Variants in PDE10A observed in about 807,000 individuals in gnomAD.
The protein encoded by PDE10A is cAMP and cAMP-inhibited cGMP 3',5'-cyclic phosphodiesterase 10A.
PDE10A carries 39 observed loss-of-function variants against 97.7 expected under a neutral mutation model. The observed-to-expected ratio is 0.40, with a 90% confidence interval of 0.31 to 0.52. The LOEUF (loss-of-function observed/expected upper bound fraction) is 0.52, where lower values mean the gene tolerates loss of function less well. PDE10A is among the 20% of genes least tolerant of loss of function. The pLI is 0.56. For missense variants in PDE10A, 731 were observed against 1,047.8 expected (o/e 0.70, Z 4.17); for synonymous variants, 371 against 376.8 (o/e 0.98, Z 0.18).
chr6:165,743,288 C>T (rs1318320322), intron 1 of PDE10A, among the ~76,000 whole-genome samples: 1 of 152,156 alleles, frequency 6.6e-6, no homozygotes, highest in African/African-American at 2.4e-5. Context: ...CTTAGTGTTC[C>T]CATATGCCCA....
chr6:165,506,032 T>C (rs1415528655), intron 2 of PDE10A, among the ~76,000 whole-genome samples: 1 of 152,186 alleles, frequency 6.6e-6, no homozygotes, highest in Admixed American at 6.6e-5. Flanking sequence ...CCTCCACTCA[T>C]GGTAACCACT....
At chr6:165,333,663 T>C (rs1024944308) in intron 21 of PDE10A, among the ~76,000 whole-genome samples, 9 of 152,238 alleles carry the variant, frequency 5.9e-5, no homozygotes, top group Non-Finnish European at 1.3e-4. Context: ...AATTTTCTTG[T>C]TACAGTAAAA....
chr6:165,789,774 T>A (rs1186455016), intron 1 of PDE10A, among the ~76,000 whole-genome samples: 1 of 151,624 alleles, frequency 6.6e-6, no homozygotes. Context: ...GCCAAAGACA[T>A]GCTTTATCTT....
intron 1 of PDE10A, among the ~76,000 whole-genome samples, chr6:165,779,876 C>T (rs1027726539): frequency 3.3e-5 from 5 of 152,166 alleles, no homozygotes; most frequent in East Asian, 3.9e-4. Flanking sequence ...GGGAAGCAAC[C>T]TTTGCTGCTC....
intron 1 of PDE10A, among the ~76,000 whole-genome samples, chr6:165,807,357 A>G (rs1779167281): frequency 1.3e-5 from 2 of 152,178 alleles, no homozygotes; most frequent in Admixed American, 6.5e-5. Flanking sequence ...TTTTGTTTCC[A>G]TGAAGCTAAG....
intron 1 of PDE10A, among the ~76,000 whole-genome samples, chr6:165,601,085 TG>T (rs1223110028): frequency 2.6e-5 from 4 of 152,206 alleles, no homozygotes; most frequent in Non-Finnish European, 5.9e-5. Context: ...TCATGGGAGT[TG>T]GTCTTTCCCG....
rs143097018 is a variant in PDE10A at position 165,698,804 on chromosome 6, G to A, written c.-614-155236C>T. On this transcript the variant is annotated intron_variant, in intron 1 of 19. Coordinates refer to the PDE10A transcript ENST00000366882. ...TGCAGTGAGCTGAGATCACTCCACC[G>A]CACTCCAGCAGGGGTGACAGAGTGA... Among the ~76,000 whole-genome samples the A allele has an allele frequency of 4.7e-3, 711 of 152,190 alleles. 2 individuals are homozygous for A. The highest frequency in any genetic ancestry group is 0.016 in the African/African-American group (659 of 41,516).
At chr6:165,777,511 T>A (rs1445408200) in intron 1 of PDE10A, among the ~76,000 whole-genome samples, 4 of 152,044 alleles carry the variant, frequency 2.6e-5, no homozygotes, top group African/African-American at 9.7e-5. Context: ...TAGTGGCCCA[T>A]CTCTAGGAAG....
chr6:165,475,523 C>T (rs1343386572), intron 3 of PDE10A, among the ~76,000 whole-genome samples: 1 of 152,072 alleles, frequency 6.6e-6, no homozygotes, highest in African/African-American at 2.4e-5. Flanking sequence ...CCAGTGAAGC[C>T]AACTTGAAAA....
chr6:165,797,531 G>A (rs1389921), intron 1 of PDE10A, among the ~76,000 whole-genome samples: 23,558 of 151,980 alleles, frequency 0.16, 2,501 homozygotes, highest in East Asian at 0.42. Context: ...TGAAATAATC[G>A]TCATTTCAAA....
At chr6:165,500,812 T>C (rs1212860584) in intron 2 of PDE10A, among the ~76,000 whole-genome samples, 2 of 152,030 alleles carry the variant, frequency 1.3e-5, no homozygotes, top group Middle Eastern at 3.2e-3. Flanking sequence ...AAAACCCGAT[T>C]GTATGTTCTA....
chr6:165,627,026 T>C (rs141708187), intron 1 of PDE10A, among the ~76,000 whole-genome samples: 8 of 152,344 alleles, frequency 5.3e-5, no homozygotes, highest in South Asian at 2.1e-4. Flanking sequence ...ACTGACCTCT[T>C]TCACATCTCT....
chr6:165,732,270 G>A (rs568944263), intron 1 of PDE10A, among the ~76,000 whole-genome samples: 73 of 152,308 alleles, frequency 4.8e-4, no homozygotes, highest in East Asian at 7.7e-4. Flanking sequence ...TAACCTGGCC[G>A]TCTTTCACCT....
At chr6:165,503,322 A>T (rs1781006620) in intron 2 of PDE10A, among the ~76,000 whole-genome samples, 1 of 152,198 alleles carries the variant, frequency 6.6e-6, no homozygotes, top group African/African-American at 2.4e-5. Context: ...AACCGCTTCA[A>T]ATCATTCTGC....
chr6:165,667,903 G>T (rs1275748402), upstream of PDE10A, among the ~76,000 whole-genome samples: 1 of 152,148 alleles, frequency 6.6e-6, no homozygotes, highest in Non-Finnish European at 1.5e-5. Flanking sequence ...TGACACAGAA[G>T]TATATTTCAA....
intron 2 of PDE10A, among the ~76,000 whole-genome samples, chr6:165,537,576 T>C (rs1307245043): frequency 2.0e-5 from 3 of 151,924 alleles, no homozygotes; most frequent in Admixed American, 6.6e-5. Context: ...TTTTAAATTT[T>C]AAAATATGTA....
chr6:165,809,258 A>AGCCCTGGCT (rs1779216170), intron 1 of PDE10A, among the ~76,000 whole-genome samples: 1 of 152,194 alleles, frequency 6.6e-6, no homozygotes, highest in South Asian at 2.1e-4. Flanking sequence ...AGCTGGGTGC[A>AGCCCTGGCT]GCCCTGGCTG....
chr6:165,935,890 CG>C (rs1783308604), intron 1 of PDE10A, among the ~76,000 whole-genome samples: 2 of 152,186 alleles, frequency 1.3e-5, no homozygotes, highest in South Asian at 4.1e-4. Context: ...TACAGCCCCT[CG>C]CTCTTGGACT....
At chr6:165,918,176 TTTTTG>T (rs1399841590) in intron 1 of PDE10A, among the ~76,000 whole-genome samples, 2 of 152,312 alleles carry the variant, frequency 1.3e-5, no homozygotes, top group African/African-American at 4.8e-5. Flanking sequence ...CATGGATGTA[TTTTTG>T]TTTTGTTTTG....
Sources: gnomAD v4.1 joint callset for allele counts (sites outside exome capture counted in the v4.1 genomes callset) on GRCh38, gnomAD v4.1.1 for gene constraint, MANE v1.5 for transcripts, NCBI Gene and HGNC (gene_info 2026-07-23, HGNC 2026-07-21) for gene names.